Variants in DNAAF4 observed in about 807,000 individuals in gnomAD.
DNAAF4 encodes the protein dynein assembly factor 4, axonemal.
Under a neutral mutation model 51.8 loss-of-function variants are expected in DNAAF4, and 43 were observed. The ratio of observed to expected loss-of-function variants is 0.83; its 90% CI spans 0.65 to 1.07. DNAAF4 has a LOEUF of 1.07. Ranked by LOEUF, DNAAF4 falls within the 50% of genes least tolerant of loss-of-function variation. The probability of loss-of-function intolerance (pLI) is 0.00; values close to 1 mark genes in which losing one functional copy is unlikely to be tolerated. For synonymous variants in DNAAF4, 194 were observed against 165.6 expected, an observed-to-expected ratio of 1.17 and a Z score of -1.32; for missense variants, 581 against 493.0, an observed-to-expected ratio of 1.18 and a Z score of -1.69.
chr15:55,446,405 T>C (rs1249219444), intron 6 of DNAAF4, among the ~76,000 whole-genome samples: 4 of 124,716 alleles, frequency 3.2e-5, no homozygotes, highest in African/African-American at 6.3e-5. Flanking sequence ...GAGGCGCTCC[T>C]CACTTCCCAG....
At chr15:55,483,646 T>C (rs1400028363) in intron 4 of DNAAF4, among the ~76,000 whole-genome samples, 4 of 151,844 alleles carry the variant, frequency 2.6e-5, no homozygotes, top group Admixed American at 2.0e-4. Flanking sequence ...GTTCAAGTGA[T>C]TCTCCTGCCT....
chr15:55,492,231 T>C (rs2058584435), intron 3 of DNAAF4, among the ~76,000 whole-genome samples: 1 of 151,212 alleles, frequency 6.6e-6, no homozygotes, highest in Admixed American at 6.6e-5. Flanking sequence ...TAAATTATCT[T>C]ACAAAGGGAA....
At chr15:55,503,225 G>A (rs761687932) in intron 1 of DNAAF4, among the ~76,000 whole-genome samples, 3 of 152,008 alleles carry the variant, frequency 2.0e-5, no homozygotes, top group Non-Finnish European at 2.9e-5. Context: ...ACTAAACCAG[G>A]AAGAATTTGA....
chr15:55,440,751 G>A (rs566843740), intron 6 of DNAAF4, among the ~76,000 whole-genome samples: 32 of 150,892 alleles, frequency 2.1e-4, no homozygotes, highest in African/African-American at 6.8e-4. Context: ...GCACAATCTC[G>A]GTTCACTGTA....
At chr15:55,422,582 G>A (rs1355224178) in intron 7 of DNAAF4, among the ~76,000 whole-genome samples, 1 of 152,170 alleles carries the variant, frequency 6.6e-6, no homozygotes, top group Non-Finnish European at 1.5e-5. Context: ...TGGAAGCCCA[G>A]CTTGTTTCAA....
chr15:55,492,416 G>C (rs1424311877), intron 3 of DNAAF4, among the ~76,000 whole-genome samples: 1 of 151,968 alleles, frequency 6.6e-6, no homozygotes. Flanking sequence ...CAGACACCTT[G>C]GCAGAGTAGT....
At chr15:55,420,187 G>T (rs1435689927) in intron 7 of DNAAF4, among the ~76,000 whole-genome samples, 1 of 152,126 alleles carries the variant, frequency 6.6e-6, no homozygotes, top group African/African-American at 2.4e-5. Context: ...TCAAAAGAAG[G>T]CTATTCTAGG....
chr15:55,430,721 A>T lies in DNAAF4; in HGVS notation c.1212T>A (p.Ile404=). ...KIDPSNKIVQ[I]DAEKIRNVIQ... is the part of the protein sequence containing the mutation. ...TTACATTCCGAATCTTCTCAGCATCAATTTGTACAATTTTGTTGGATGGAT... is the reference window on the plus strand; with the variant it reads ...TTACATTCCGAATCTTCTCAGCATCTATTTGTACAATTTTGTTGGATGGAT... The change falls in exon 10 of 10, where the codon ATT becomes ATA. Residue 404 remains isoleucine (I), a synonymous_variant. Coordinates refer to ENST00000321149, the MANE Select transcript of DNAAF4 (RefSeq NM_130810.4). 6.2e-7 allele frequency: 1 copy of T among 1,613,462 alleles called. No individual in the cohort carries two copies. The highest frequency in any genetic ancestry group is 1.1e-5 in the South Asian group (1 of 91,052).
intron 4 of DNAAF4, among the ~76,000 whole-genome samples, chr15:55,468,298 A>C (rs2058199038): frequency 6.6e-6 from 1 of 152,194 alleles, no homozygotes; most frequent in Admixed American, 6.5e-5. Context: ...ACATGACATA[A>C]TACTCTCTTC....
intron 6 of DNAAF4, among the ~76,000 whole-genome samples, chr15:55,440,240 A>G (rs568643573): frequency 1.3e-5 from 2 of 151,188 alleles, no homozygotes; most frequent in East Asian, 3.9e-4. Flanking sequence ...TTTAGTAGAG[A>G]CAGGGTTTCA....
intron 5 of DNAAF4, among the ~76,000 whole-genome samples, chr15:55,462,571 T>G (rs561820001): frequency 7.2e-4 from 105 of 145,786 alleles, no homozygotes; most frequent in Non-Finnish European, 1.2e-3. Flanking sequence ...GAGGAAATCC[T>G]CCCTAAATCA....
chr15:55,441,599 T>A (rs1221126771), intron 6 of DNAAF4, among the ~76,000 whole-genome samples: 3 of 149,136 alleles, frequency 2.0e-5, no homozygotes, highest in Non-Finnish European at 4.5e-5. Flanking sequence ...GTGTGTGATG[T>A]TCCCCTTCCT....
chr15:55,474,331 CA>C (rs1595933498), intron 4 of DNAAF4, among the ~76,000 whole-genome samples: 2 of 152,080 alleles, frequency 1.3e-5, no homozygotes, highest in Non-Finnish European at 2.9e-5. Context: ...GTAAGGAGTT[CA>C]AGATCAGCCT....
chr15:55,466,318 T>C (rs1302339531), intron 5 of DNAAF4, among the ~76,000 whole-genome samples: 3 of 152,148 alleles, frequency 2.0e-5, no homozygotes, highest in African/African-American at 4.8e-5. Context: ...TCCCAGCTAC[T>C]TGGGAGGCTA....
At chr15:55,424,536 C>T (rs953067909) in intron 7 of DNAAF4, among the ~76,000 whole-genome samples, 1 of 152,128 alleles carries the variant, frequency 6.6e-6, no homozygotes, top group Non-Finnish European at 1.5e-5. Context: ...TCTCCTTGAC[C>T]AAACTCTAGA....
intron 5 of DNAAF4, among the ~76,000 whole-genome samples, chr15:55,456,457 T>C (rs2058022899): frequency 2.0e-5 from 3 of 152,160 alleles, no homozygotes; most frequent in Admixed American, 6.6e-5. Context: ...TATAGAATTA[T>C]ATTCATTGGG....
rs1256104221 is a variant in DNAAF4, at chr15:55,446,463, G to A, written c.783+3759C>T. Among the ~76,000 whole-genome samples, 20 of 133,458 alleles carry A rather than the reference G, an allele frequency of 1.5e-4. 1 individual carries two copies. Among genetic ancestry groups the A allele is most frequent in the Admixed American group, 6.1e-4 (8 of 13,092 alleles). 87.6% of individuals were successfully genotyped at this position (133,458 alleles called of 152,430 possible). Reference sequence around the variant, plus strand: ...CTCCCCACTTCCCAGATGGGGTGGCGGTCGGGCAGAGGTGCTCCTCACATC... The same window carrying A: ...CTCCCCACTTCCCAGATGGGGTGGCAGTCGGGCAGAGGTGCTCCTCACATC... On this transcript the variant is annotated intron_variant, in intron 6 of 9. Transcript: ENST00000321149.
intron 1 of DNAAF4, among the ~76,000 whole-genome samples, chr15:55,505,225 C>G (rs2058720750): frequency 6.6e-6 from 1 of 152,192 alleles, no homozygotes; most frequent in Non-Finnish European, 1.5e-5. Flanking sequence ...GAGATACCAT[C>G]TCACACCAGT....
chr15:55,484,097 A>G (rs1353575197), intron 4 of DNAAF4, among the ~76,000 whole-genome samples: 1 of 152,034 alleles, frequency 6.6e-6, no homozygotes, highest in Non-Finnish European at 1.5e-5. Flanking sequence ...AACAAGTGTT[A>G]GTGAGAATGG....
Sources: allele counts gnomAD v4.1 joint callset (sites outside exome capture counted in the v4.1 genomes callset), GRCh38; gene constraint gnomAD v4.1.1; transcripts MANE v1.5; gene names NCBI Gene and HGNC (gene_info 2026-07-23, HGNC 2026-07-21).